PDZD7: variants seen among roughly 807,000 people sequenced by gnomAD.
PDZD7 encodes PDZ domain-containing protein 7.
In PDZD7, 72 loss-of-function variants were observed where a neutral mutation model predicts 84.7. The observed-to-expected ratio is 0.85, with a 90% CI of 0.70 to 1.03. The LOEUF is 1.03. PDZD7 is among the 50% of genes least tolerant of loss of function. The pLI is 0.00. For synonymous variants in PDZD7, 594 were observed against 580.7 expected (o/e 1.02, Z -0.33); for missense variants, 1,490 against 1,412.9 (o/e 1.05, Z -0.87).
In PDZD7 at chr10:101,015,697, T is replaced by G; in HGVS notation, c.1688A>C (p.Asp563Ala). ...AWESRRPLIQ[D>A]LAQRLLTDDE... ...ATCAGTCAGCAGCCTCTGGGCCAGG[T>G]CCTGAATGAGGGGCCGCCGGCTCTC... The change falls in exon 11 of 17, where the codon GAC becomes GCC. Residue 563 changes from aspartate (D) to alanine (A), a missense_variant. Asp to Ala is a moderately radical substitution (Grantham distance 126, BLOSUM62 -2). Transcript: ENST00000619208. 6.5e-7 allele frequency: 1 copy of G among 1,550,362 alleles called. No homozygotes were observed. The highest frequency in any genetic ancestry group is 1.2e-5 in the South Asian group (1 of 84,050).
intron 11 of PDZD7, among the ~76,000 whole-genome samples, chr10:101,013,872 T>C (rs807017): frequency 0.86 from 125,169 of 145,616 alleles, 53,987 homozygotes; most frequent in Non-Finnish European, 0.88. Flanking sequence ...TTTTTTGAGA[T>C]GGATTTTCGC....
chr10:101,020,624 C>T lies in PDZD7; in HGVS notation c.922G>A (p.Asp308Asn), dbSNP rs1167851837. 3 of 1,613,948 alleles carry T rather than the reference C, an allele frequency of 1.9e-6. No homozygotes were observed. The Admixed American group carries it at 5.0e-5, about 27-fold the overall frequency. Residue 308 changes from aspartate to asparagine, a missense_variant, in exon 7 of 17, where the codon GAC (aspartate) becomes AAC (asparagine). Physicochemically the swap from Asp to Asn is conservative, Grantham distance 23 (BLOSUM62 1). Transcript: ENST00000619208. ...GGAGATCTGAGCCACTTACGTCGGT[C>T]CAGCCAGCAGTACTCAGAAACCATC... ...KEMVSEYCWL[D>N]RLSNGVLQQL...
rs1852284263 is a variant in PDZD7, at chr10:101,008,277, C to T, written c.*190G>A. On this transcript the variant is annotated 3_prime_UTR_variant, in exon 17 of 17. Transcript: ENST00000619208. ...ACAGGCTGCCCACTAGCACCTTGTC[C>T]TTGGACACTAAGGCAGAGCCTTAAT... The T allele has an allele frequency of 3.0e-6, 2 of 665,302 alleles. No homozygotes were observed. The highest frequency in any genetic ancestry group is 1.8e-5 in the African/African-American group (1 of 55,276). The allele number at this position is 665,302 out of a possible 1,614,324, so 41.2% of individuals were successfully genotyped here. A position where few individuals can be genotyped will look rare whatever the true frequency, so the allele number is the denominator to read the frequency against.
At position 101,023,840 on chromosome 10, in the gene PDZD7, G is replaced by T. The variant is rs542937277; in HGVS notation, c.367+88C>A. On this transcript the variant is annotated intron_variant, in intron 3 of 16. Coordinates refer to ENST00000619208, the MANE Select transcript of PDZD7 (RefSeq NM_001195263.2). Reference sequence around the variant, plus strand: ...GCCCTCCAGAGCTGGGGACTCTTCCGTCTGTCCCTGACAGCAGCATCCCCT... The same window carrying T: ...GCCCTCCAGAGCTGGGGACTCTTCCTTCTGTCCCTGACAGCAGCATCCCCT... 3.1e-6 allele frequency: 5 copies of T among 1,602,458 alleles called. No homozygotes were observed. In the African/African-American group the frequency reaches 5.3e-5, roughly 17 times the overall value.
intron 2 of PDZD7, among the ~76,000 whole-genome samples, chr10:101,028,459 G>A (rs1937848633): frequency 6.6e-6 from 1 of 152,162 alleles, no homozygotes; most frequent in Non-Finnish European, 1.5e-5. Flanking sequence ...GCTGGGCTTG[G>A]TGTTGCATGC....
Position 101,008,367 on chromosome 10 carries a change from G to C in PDZD7, c.*100C>G. ...CCAGTGTGGCACTGGGAGGAGGCAG[G>C]GTGGGCAGGAGCTGGAGAGTCCTGA... On this transcript the variant is annotated 3_prime_UTR_variant, in exon 17 of 17. Coordinates refer to ENST00000619208, the MANE Select transcript of PDZD7 (RefSeq NM_001195263.2). The C allele has an allele frequency of 2.5e-6, 3 of 1,208,682 alleles. 1 individual carries two copies. The allele number at this position is 1,208,682 out of a possible 1,614,324, so 74.9% of individuals were successfully genotyped here. A position where few individuals can be genotyped will look rare whatever the true frequency, so the allele number is the denominator to read the frequency against.
At chr10:101,026,777 C>A (rs1289377930) in intron 2 of PDZD7, among the ~76,000 whole-genome samples, 2 of 151,006 alleles carry the variant, frequency 1.3e-5, no homozygotes, top group East Asian at 3.9e-4. Flanking sequence ...AAGAAATCCC[C>A]GAGGGCAGCC....
At chr10:101,020,905 C>A (rs1482964376) in intron 6 of PDZD7, among the ~76,000 whole-genome samples, 1 of 152,188 alleles carries the variant, frequency 6.6e-6, no homozygotes, top group Non-Finnish European at 1.5e-5. Context: ...GATACAGGGG[C>A]CTTCCTGAAT....
chr10:101,009,215 C>G (rs1308781018), intron 16 of PDZD7, 35 bp downstream of exon 16: 1 of 1,500,104 alleles, frequency 6.7e-7, no homozygotes, highest in Non-Finnish European at 9.0e-7. Context: ...TTCAGCTGTG[C>G]TCTGAGAGGG....
At chr10:101,020,744 C>CG in intron 6 of PDZD7, 66 bp from the exon 7 acceptor site, 1 of 1,184,718 alleles carries the variant, frequency 8.4e-7, no homozygotes, top group Non-Finnish European at 1.3e-6. Flanking sequence ...GAGAATGGGG[C>CG]GGGGGTGACA....
In PDZD7 at chr10:101,020,660, C is replaced by G; in HGVS notation, c.886G>C (p.Ala296Pro). 6.2e-7 allele frequency: 1 copy of G among 1,613,936 alleles called. No homozygotes were observed. The highest frequency in any genetic ancestry group is 8.5e-7 in the Non-Finnish European group (1 of 1,179,900). Residue 296 changes from alanine to proline, a missense_variant, in exon 7 of 17, where the codon GCC (alanine) becomes CCC (proline). Coordinates refer to ENST00000619208, the MANE Select transcript of PDZD7 (RefSeq NM_001195263.2). ...TACTCAGAAACCATCTCCTTGTAGGCAGGATACCGGCCGGTCTCCTGGGGA... is the reference window on the plus strand; with the variant it reads ...TACTCAGAAACCATCTCCTTGTAGGGAGGATACCGGCCGGTCTCCTGGGGA... ...LTIKETGRYPAYKEMVSEYCW... is the reference protein window; with the variant it reads ...LTIKETGRYPPYKEMVSEYCW...
chr10:101,022,077 C>A, intron 5 of PDZD7, 132 bp from the exon 6 acceptor site: 5 of 1,555,656 alleles, frequency 3.2e-6, no homozygotes, highest in Non-Finnish European at 3.5e-6. Flanking sequence ...CCTCCCGCCC[C>A]CTCCCAGGCC....
rs1202852543 is a variant in PDZD7 at position 101,017,838 on chromosome 10, GGAAAGAAAGAAA to G, written c.1522+249_1522+260del. The G allele has an allele frequency of 1.6e-3, 276 of 169,406 alleles. 2 individuals carry two copies. The highest frequency in any genetic ancestry group is 2.2e-3 in the East Asian group (20 of 9,266). 10.5% of individuals were successfully genotyped at this position (169,406 alleles called of 1,614,324 possible). A position where few individuals can be genotyped will look rare whatever the true frequency, so the allele number is the denominator to read the frequency against. On this transcript the variant is annotated intron_variant, in intron 9 of 16. Coordinates refer to ENST00000619208, the MANE Select transcript of PDZD7 (RefSeq NM_001195263.2). ...GAAAGGAAAGAAAGGAAGGAAGGAA[GGAAAGAAAGAAA>G]GAAAGAAAGAAAGAAAGAAAGAAAG...
intron 15 of PDZD7, among the ~76,000 whole-genome samples, chr10:101,009,751 G>C (rs917559012): frequency 2.0e-5 from 3 of 151,952 alleles, no homozygotes; most frequent in Non-Finnish European, 4.4e-5. Context: ...GGGATTACAG[G>C]CATGTGCCAA....
intron 6 of PDZD7, 63 bp from the exon 7 acceptor site, chr10:101,020,741 G>A (rs962584161): frequency 1.7e-5 from 20 of 1,205,984 alleles, no homozygotes; most frequent in Non-Finnish European, 2.5e-5. Context: ...AGTGAGAATG[G>A]GGCGGGGGTG....
In PDZD7 at chr10:101,008,417, G is replaced by C; in HGVS notation, c.*50C>G. 6.8e-7 allele frequency: 1 copy of C among 1,460,204 alleles called. No homozygotes were observed. Among genetic ancestry groups the C allele is most frequent in the South Asian group, 1.4e-5 (1 of 72,906 alleles). 90.5% of individuals were successfully genotyped at this position (1,460,204 alleles called of 1,614,324 possible). On this transcript the variant is annotated 3_prime_UTR_variant, in exon 17 of 17. Coordinates refer to ENST00000619208, the MANE Select transcript of PDZD7 (RefSeq NM_001195263.2). ...AAGAAGTTGGTAGGAGAGGTCCTGGGGATAACGGGATGCTGGAGTCAGTGG... is the reference window on the plus strand; with the variant it reads ...AAGAAGTTGGTAGGAGAGGTCCTGGCGATAACGGGATGCTGGAGTCAGTGG...
chr10:101,024,172 G>T, intron 2 of PDZD7, 104 bp from the exon 3 acceptor site: 1 of 1,537,136 alleles, frequency 6.5e-7, no homozygotes, highest in Non-Finnish European at 9.0e-7. Context: ...GCTGGGCACA[G>T]TCACACAGGC....
At chr10:101,010,131 G>A (rs1852344169) in intron 15 of PDZD7, 141 bp downstream of exon 15, 1 of 1,094,866 alleles carries the variant, frequency 9.1e-7, no homozygotes, top group East Asian at 2.6e-5. Flanking sequence ...CTGACCTCAA[G>A]TGATCCGCCT....
At chr10:101,024,726 C>T (rs1937604585) in intron 2 of PDZD7, among the ~76,000 whole-genome samples, 1 of 148,086 alleles carries the variant, frequency 6.8e-6, no homozygotes, top group African/African-American at 2.5e-5. Flanking sequence ...CCTGTGTTCA[C>T]ACCACTGCAC....
Sources: allele counts gnomAD v4.1 joint callset (sites outside exome capture counted in the v4.1 genomes callset), GRCh38; gene constraint gnomAD v4.1.1; transcripts MANE v1.5; gene names NCBI Gene and HGNC (gene_info 2026-07-23, HGNC 2026-07-21).